Variants in PRAME observed in about 807,000 individuals in gnomAD.
PRAME encodes the protein PRAME nuclear receptor transcriptional regulator, also known as melanoma antigen preferentially expressed in tumors.
A neutral mutation model predicts 32.1 loss-of-function variants in PRAME; 21 were observed. That is an observed-to-expected ratio of 0.65 (90% CI 0.46 to 0.94). The LOEUF (loss-of-function observed/expected upper bound fraction) is 0.94. PRAME is among the 40% of genes least tolerant of loss of function. The pLI, the probability that PRAME is intolerant of heterozygous loss-of-function variation, is 0.00. For missense variants in PRAME, 651 were observed against 622.3 expected (o/e 1.05, Z -0.49); for synonymous variants, 274 against 251.5 (o/e 1.09, Z -0.85).
At position 22,556,819 on chromosome 22, in the gene PRAME, C is replaced by T. The variant is rs370233948; in HGVS notation, c.14G>A (p.Arg5His). The T allele has an allele frequency of 2.6e-5, 42 of 1,612,872 alleles. 1 individual carries two copies. Among genetic ancestry groups the T allele is most frequent in the Middle Eastern group, 3.3e-4 (2 of 6,050 alleles). ...CTCAGGGGACCTTCTTACCCACAAA[C>T]GCCTTCGTTCCATTTTGAAGCGACT... MERR[R>H]LWGSIQSRYI... The change falls in exon 3 of 6, where the codon CGT (arginine) becomes CAT (histidine). Residue 5 changes from arginine (R) to histidine (H), a missense_variant. Arg to His is a conservative substitution (Grantham distance 29). Transcript: ENST00000405655.
intron 3 of PRAME, chr22:22,554,306 C>G: frequency 1.1e-6 from 1 of 945,266 alleles, no homozygotes; most frequent in Non-Finnish European, 1.3e-6. Flanking sequence ...TGCGGCCTGA[C>G]TTTGTTTACT....
At position 22,549,774 on chromosome 22, in the gene PRAME, T is replaced by C. The variant is rs200951311; in HGVS notation, c.905A>G (p.Tyr302Cys). ...TCTAAGGAAAAATAAAGAGTCCACATAGAGAGCCTGCAGGCACTGCAGACT... is the reference window on the plus strand; with the variant it reads ...TCTAAGGAAAAATAAAGAGTCCACACAGAGAGCCTGCAGGCACTGCAGACT... ...FLSLQCLQALYVDSLFFLRGR... is the reference protein window; with the variant it reads ...FLSLQCLQALCVDSLFFLRGR... Residue 302 changes from tyrosine (Y) to cysteine (C), a missense_variant, in exon 5 of 6, where the codon TAT becomes TGT. Tyr to Cys is a radical substitution (Grantham distance 194). Transcript: ENST00000405655. The C allele has an allele frequency of 1.1e-5, 17 of 1,613,286 alleles. No homozygotes were observed. The highest frequency in any genetic ancestry group is 8.9e-5 in the East Asian group (4 of 44,762).
In PRAME at chr22:22,558,423, A is replaced by G. The variant is rs867328059; in HGVS notation, c.-114+548T>C. Among the ~76,000 whole-genome samples the G allele has an allele frequency of 1.4e-3, 35 of 24,982 alleles. 1 individual carries two copies. Among genetic ancestry groups the G allele is most frequent in the South Asian group, 0.013 (4 of 306 alleles). 16.4% of individuals were successfully genotyped at this position (24,982 alleles called of 152,430 possible). The stretch of plus-strand genomic sequence containing the variant: ...GCCAGGGCGGGAATGGGGGAAGGGA[A>G]ACAGGGTGGGGGTGGGGATGAGAGA... On this transcript the variant is annotated intron_variant, in intron 1 of 5. Coordinates refer to ENST00000405655, the MANE Select transcript of PRAME (RefSeq NM_206956.3).
chr22:22,555,043 TCCTC>T (rs1356103695), intron 3 of PRAME, among the ~76,000 whole-genome samples: 1 of 151,916 alleles, frequency 6.6e-6, no homozygotes. Flanking sequence ...GTGCTGTCCT[TCCTC>T]CCAGTATAAG....
intron 3 of PRAME, among the ~76,000 whole-genome samples, chr22:22,554,996 C>T (rs2062820567): frequency 6.6e-6 from 1 of 152,000 alleles, no homozygotes; most frequent in African/African-American, 2.4e-5. Context: ...TCCAGTGGCA[C>T]TGGAGGAAGC....
intron 3 of PRAME, chr22:22,555,898 C>A: frequency 2.1e-6 from 1 of 470,940 alleles, no homozygotes; most frequent in Non-Finnish European, 4.4e-6. Context: ...TACTCTCTGA[C>A]ACCACTGGAA....
chr22:22,556,890 T>C lies in PRAME; in HGVS notation c.-58A>G. 1.2e-6 allele frequency: 2 copies of C among 1,601,472 alleles called. No homozygotes were observed. Among genetic ancestry groups the C allele is most frequent in the Admixed American group, 1.7e-5 (1 of 59,974 alleles). On this transcript the variant is annotated 5_prime_UTR_variant, in exon 3 of 6. Coordinates refer to ENST00000405655, the MANE Select transcript of PRAME (RefSeq NM_206956.3). ...CAACGCTTGGATTTCTAGGTCTCAG[T>C]CACTTGTTGCCACGCACGTCTGAGA...
chr22:22,548,066 G>T lies in PRAME; in HGVS notation c.*1C>A, dbSNP rs2062346078. The stretch of plus-strand genomic sequence containing the variant: ...ATGAAGCATTTGATATGTGCACCCA[G>T]CTAATTAGGCATGAAACAGGGGCAC... On this transcript the variant is annotated 3_prime_UTR_variant, in exon 6 of 6. Transcript: ENST00000405655. 5 of 1,605,972 alleles carry T rather than the reference G, an allele frequency of 3.1e-6. No homozygotes were observed. The highest frequency in any genetic ancestry group is 1.3e-5 in the African/African-American group (1 of 74,820).
chr22:22,550,811 C>A lies in PRAME; in HGVS notation c.300G>T (p.Val100=). The change falls in exon 4 of 6, where the codon GTG becomes GTT. Residue 100 remains valine, a synonymous_variant. Coordinates refer to ENST00000405655, the MANE Select transcript of PRAME (RefSeq NM_206956.3). The stretch of plus-strand genomic sequence containing the variant: ...CAAGGAGCACATCAAGTCCATCAAG[C>A]ACAGCTTTGAAGGTCTCCAGGTGAA... ...QHLHLETFKA[V]LDGLDVLLAQ... The A allele has an allele frequency of 6.2e-7, 1 of 1,608,676 alleles. No homozygotes were observed. The highest frequency in any genetic ancestry group is 8.5e-7 in the Non-Finnish European group (1 of 1,176,298).
Position 22,548,555 on chromosome 22 carries a change from C to T in PRAME, c.1042G>A (p.Val348Ile), listed in dbSNP as rs754890608. ...AGACTCAGGACACTTAGCTGACTGA[C>T]GCTGGGACTCTGGGACAGATGCATC... ...DVMHLSQSPS[V>I]SQLSVLSLSG... Residue 348 changes from valine (V) to isoleucine (I), a missense_variant, in exon 6 of 6, where the codon GTC (valine) becomes ATC (isoleucine). Physicochemically the swap from Val to Ile is conservative, Grantham distance 29. Transcript: ENST00000405655. The T allele has an allele frequency of 2.1e-5, 34 of 1,613,298 alleles. No homozygotes were observed. The highest frequency in any genetic ancestry group is 2.2e-5 in the East Asian group (1 of 44,752).
At position 22,552,919 on chromosome 22, in the gene PRAME, C is replaced by T. The variant is rs1026259894; in HGVS notation, c.22-1830G>A. On this transcript the variant is annotated intron_variant, in intron 3 of 5. Coordinates refer to ENST00000405655, the MANE Select transcript of PRAME (RefSeq NM_206956.3). ...TGGCCCCTCTGAAGCTATTACAGGC[C>T]TTTCTGGGCATACCTCCCCTTTCAA... 3.2e-5 allele frequency: 15 copies of T among 470,810 alleles called. No individual in the cohort carries two copies. In the East Asian group the frequency reaches 9.8e-4, roughly 31 times the overall value. The allele number at this position is 470,810 out of a possible 1,614,324, so 29.2% of individuals were successfully genotyped here.
rs2062769805 is a variant in PRAME, at chr22:22,554,235, A to G, written c.21+2577T>C. 4.1e-6 allele frequency: 4 copies of G among 985,134 alleles called. No homozygotes were observed. In the South Asian group the frequency reaches 1.9e-4, roughly 46 times the overall value. 61.0% of individuals were successfully genotyped at this position (985,134 alleles called of 1,614,324 possible). ...AATTCTCCAGGCCATTCTCTGCCTCATGCACTGTGAAGTCCCTACAATTCT... is the reference window on the plus strand; with the variant it reads ...AATTCTCCAGGCCATTCTCTGCCTCGTGCACTGTGAAGTCCCTACAATTCT... On this transcript the variant is annotated intron_variant, in intron 3 of 5. Coordinates refer to ENST00000405655, the MANE Select transcript of PRAME (RefSeq NM_206956.3).
chr22:22,551,205 G>T, intron 3 of PRAME, 116 bp from the exon 4 acceptor site: 2 of 940,120 alleles, frequency 2.1e-6, no homozygotes, highest in Non-Finnish European at 3.2e-6. Flanking sequence ...GCTAGCAACA[G>T]CAGGGGAGTT....
At position 22,548,445 on chromosome 22, in the gene PRAME, G is replaced by C; in HGVS notation, c.1152C>G (p.Val384=). 2 of 1,613,676 alleles carry C rather than the reference G, an allele frequency of 1.2e-6. No individual in the cohort carries two copies. The highest frequency in any genetic ancestry group is 1.7e-6 in the Non-Finnish European group (2 of 1,179,942). The change falls in exon 6 of 6, where the codon GTC becomes GTG. Residue 384 remains valine (V), a synonymous_variant. Coordinates refer to ENST00000405655, the MANE Select transcript of PRAME (RefSeq NM_206956.3). The part of the protein sequence containing the change: ...ERASATLQDL[V]FDECGITDDQ... ...CATCCGTGATCCCACACTCATCAAA[G>C]ACCAGGTCCTGGAGGGTGGCAGAGG...
chr22:22,551,590 T>TACAGAAGCAGC (rs1482073586), intron 3 of PRAME, among the ~76,000 whole-genome samples: 5 of 151,344 alleles, frequency 3.3e-5, no homozygotes, highest in Admixed American at 2.6e-4. Context: ...AATGAGAAAC[T>TACAGAAGCAGC]ACAGAAGCAG....
At chr22:22,557,638 G>C (rs866560384) in intron 1 of PRAME, 58 bp from the exon 2 acceptor site, 2 of 133,140 alleles carry the variant, frequency 1.5e-5, no homozygotes, top group African/African-American at 3.9e-5. Context: ...TGCGTGGGGC[G>C]GGGGGGGCGG....
In PRAME at chr22:22,549,736, G is replaced by A; in HGVS notation, c.943C>T (p.Gln315Ter). The A allele has an allele frequency of 6.2e-7, 1 of 1,602,804 alleles. No homozygotes were observed. Among genetic ancestry groups the A allele is most frequent in the Middle Eastern group, 1.7e-4 (1 of 5,802 alleles). The part of the protein sequence containing the change: ...SLFFLRGRLD[Q>*]LLRHVMNPLE... ...CTCACCATCCCTCACCTGAGCAACT[G>A]ATCCAGGCGGCCTCTAAGGAAAAAT... is the stretch of plus-strand genomic sequence containing the variant. Residue 315 changes from glutamine to a stop codon, truncating the protein, a stop_gained, in exon 5 of 6, where the codon CAG (glutamine) becomes TAG (stop). Coordinates refer to ENST00000405655, the MANE Select transcript of PRAME (RefSeq NM_206956.3). LOFTEE classifies it low-confidence loss of function (END_TRUNC).
chr22:22,552,531 T>C (rs1341625821), intron 3 of PRAME, among the ~76,000 whole-genome samples: 3 of 152,040 alleles, frequency 2.0e-5, no homozygotes, highest in East Asian at 3.9e-4. Context: ...ATTACCATAA[T>C]TTGATCATTA....
At position 22,550,064 on chromosome 22, in the gene PRAME, T is replaced by C; in HGVS notation, c.615A>G (p.Val205=). Residue 205 remains valine, a synonymous_variant, in exon 5 of 6, where the codon GTA becomes GTG. Coordinates refer to ENST00000405655, the MANE Select transcript of PRAME (RefSeq NM_206956.3). The part of the protein sequence containing the change: ...LIEKVKRKKN[V]LRLCCKKLKI... ...TCAGCTTCTTACAGCACAGGCGTAG[T>C]ACATTTTTCTTTCGCTTCACTTTCT... 1.2e-6 allele frequency: 2 copies of C among 1,613,948 alleles called. No homozygotes were observed. Among genetic ancestry groups the C allele is most frequent in the Non-Finnish European group, 1.7e-6 (2 of 1,179,966 alleles).
Sources: allele counts gnomAD v4.1 joint callset (sites outside exome capture counted in the v4.1 genomes callset), GRCh38; gene constraint gnomAD v4.1.1; transcripts MANE v1.5; gene names NCBI Gene and HGNC (gene_info 2026-07-23, HGNC 2026-07-21).